Variants in PSG8 observed in about 807,000 individuals in gnomAD.
The protein encoded by PSG8 is pregnancy specific beta-1-glycoprotein 8.
PSG8 carries 57 observed loss-of-function variants against 42.5 expected under a neutral mutation model. The ratio of observed to expected loss-of-function variants is 1.34; its 90% CI spans 1.08 to 1.67. PSG8 has a LOEUF of 1.67. Ranked by LOEUF, PSG8 falls within the 40% of genes most tolerant of loss-of-function variation. The pLI, the probability that PSG8 is intolerant of heterozygous loss-of-function variation, is 0.00. For missense variants in PSG8, 783 were observed against 518.6 expected (o/e 1.51, Z -4.95); for synonymous variants, 280 against 196.8 (o/e 1.42, Z -3.54).
chr19:42,761,665 A>AT (rs916099855), intron 2 of PSG8, among the ~76,000 whole-genome samples: 1 of 151,902 alleles, frequency 6.6e-6, no homozygotes, highest in Non-Finnish European at 1.5e-5. Flanking sequence ...AGCAGTACTT[A>AT]TTTTTTAGTC....
At position 42,758,111 on chromosome 19, in the gene PSG8, C is replaced by A. The variant is rs1322551149; in HGVS notation, c.600G>T (p.Arg200Ser). 2 of 1,613,864 alleles carry A rather than the reference C, an allele frequency of 1.2e-6. No homozygotes were observed. Among genetic ancestry groups the A allele is most frequent in the African/African-American group, 2.7e-5 (2 of 74,882 alleles). The change falls in exon 3 of 5, where the codon AGG becomes AGT. Residue 200 changes from arginine to serine, a missense_variant. Arg to Ser is a moderately radical substitution (Grantham distance 110, BLOSUM62 -1). Coordinates refer to ENST00000306511, the MANE Select transcript of PSG8 (RefSeq NM_182707.3). ...SHRLQLSETN[R>S]TLFLLGVTKY... is the part of the protein sequence containing the mutation. ...TTGTGACACCCAATAGAAAGAGGGT[C>A]CTGTTGGTTTCAGACAACTGCAACC...
intron 3 of PSG8, among the ~76,000 whole-genome samples, chr19:42,756,497 A>G (rs1221920245): frequency 2.0e-5 from 3 of 152,294 alleles, no homozygotes; most frequent in South Asian, 2.1e-4. Flanking sequence ...TATTTGTCAT[A>G]TACTTACTGG....
chr19:42,763,951 C>G lies in PSG8; in HGVS notation c.395G>C (p.Arg132Thr), dbSNP rs369659318. ...GAAGGTGAAATGTCCAGTTACTCCT[C>G]TATTCTCATCACCTCCCATTATGAT... is the stretch of plus-strand genomic sequence containing the variant. ...LHIIMGGDEN[R>T]GVTGHFTFTL... is the part of the protein sequence containing the mutation. The change falls in exon 2 of 5, where the codon AGA becomes ACA. Residue 132 changes from arginine to threonine, a missense_variant. Coordinates refer to ENST00000306511, the MANE Select transcript of PSG8 (RefSeq NM_182707.3). 6 of 1,613,602 alleles carry G rather than the reference C, an allele frequency of 3.7e-6. No individual in the cohort carries two copies. Among genetic ancestry groups the G allele is most frequent in the African/African-American group, 1.3e-5 (1 of 74,812 alleles).
At chr19:42,753,091 T>C (rs896725669), downstream of PSG8, 2 of 616,208 alleles carry the variant, frequency 3.2e-6, no homozygotes, top group Non-Finnish European at 5.8e-6. Context: ...AGCCTCATCA[T>C]GATGGGGAGT....
intron 2 of PSG8, among the ~76,000 whole-genome samples, chr19:42,760,877 A>G (rs750080468): frequency 6.6e-5 from 10 of 152,164 alleles, no homozygotes; most frequent in African/African-American, 1.4e-4. Context: ...GTGCCCAGCC[A>G]TCTCTGAGGG....
Position 42,755,040 on chromosome 19 carries a change from T to C in PSG8, c.936A>G (p.Ile312Met). ...TGCGGATGCCACCATATTGGTCCCT[T>C]ATTTCACATTGATAGGGTCCTGTTT... ...RNETGPYQCE[I>M]RDQYGGIRSY... Residue 312 changes from isoleucine (I) to methionine (M), a missense_variant, in exon 4 of 5, where the codon ATA becomes ATG. Transcript: ENST00000306511. The C allele has an allele frequency of 6.2e-7, 1 of 1,613,202 alleles. No homozygotes were observed. Among genetic ancestry groups the C allele is most frequent in the Non-Finnish European group, 8.5e-7 (1 of 1,179,758 alleles).
At chr19:42,753,645 T>C (rs569172751), downstream of PSG8, among the ~76,000 whole-genome samples, 95 of 152,306 alleles carry the variant, frequency 6.2e-4, 1 homozygote, top group African/African-American at 2.3e-3. Flanking sequence ...TTATAAGGAA[T>C]CTGAGATTAA....
At chr19:42,754,182 G>T, downstream of PSG8, 1 of 1,522,408 alleles carries the variant, frequency 6.6e-7, no homozygotes, top group Non-Finnish European at 8.8e-7. Flanking sequence ...AAAGTTCTTA[G>T]ACAAATTTGG....
chr19:42,757,865 C>A, intron 3 of PSG8, 137 bp downstream of exon 3: 1 of 1,591,582 alleles, frequency 6.3e-7, no homozygotes, highest in Non-Finnish European at 8.6e-7. Flanking sequence ...TTGCCTGGGG[C>A]AGAAAGTCAT....
At chr19:42,754,151 AGC>A (rs1969848786), downstream of PSG8, 2 of 1,442,810 alleles carry the variant, frequency 1.4e-6, no homozygotes, top group Non-Finnish European at 1.9e-6. Flanking sequence ...TGAAGATATC[AGC>A]CTGTTTGTTA....
At chr19:42,762,304 A>C (rs140377429) in intron 2 of PSG8, among the ~76,000 whole-genome samples, 4,876 of 152,030 alleles carry the variant, frequency 0.032, 112 homozygotes, top group Non-Finnish European at 0.05. Flanking sequence ...CCCAGGGACC[A>C]GGTGCCCCCA....
In PSG8 at chr19:42,758,133, A is replaced by G. The variant is rs775825555; in HGVS notation, c.578T>C (p.Leu193Ser). ...NGQSLPMSHR[L>S]QLSETNRTLF... is the part of the protein sequence containing the mutation. ...GGTCCTGTTGGTTTCAGACAACTGC[A>G]ACCTGTGAGACATAGGGAGGCTCTG... Residue 193 changes from leucine (L) to serine (S), a missense_variant, in exon 3 of 5, where the codon TTG becomes TCG. Coordinates refer to ENST00000306511, the MANE Select transcript of PSG8 (RefSeq NM_182707.3). 6.2e-7 allele frequency: 1 copy of G among 1,614,008 alleles called. No individual in the cohort carries two copies. Among genetic ancestry groups the G allele is most frequent in the Admixed American group, 1.7e-5 (1 of 60,008 alleles).
chr19:42,762,734 C>T (rs1212980546), intron 2 of PSG8, among the ~76,000 whole-genome samples: 1 of 152,046 alleles, frequency 6.6e-6, no homozygotes, highest in Non-Finnish European at 1.5e-5. Flanking sequence ...ATGTTTTTTC[C>T]ACTGACTCTG....
rs74660622 is a variant in PSG8, at chr19:42,764,196, A to G, written c.150T>C (p.Asp50=). Residue 50 remains aspartate (D), a synonymous_variant, in exon 2 of 5, where the codon GAT becomes GAC. Coordinates refer to ENST00000306511, the MANE Select transcript of PSG8 (RefSeq NM_182707.3). ...AQPTKVSEGK[D]VLLLVHNLPQ... The stretch of plus-strand genomic sequence containing the variant: ...GCAAATTGTGGACAAGTAGAAGAAC[A>G]TCCTTCCCCTCAGAAACTTTGGTTG... 2.3e-3 allele frequency: 3,660 copies of G among 1,613,858 alleles called. 93 individuals carry two copies. In the African/African-American group the frequency reaches 0.042, roughly 19 times the overall value.
At chr19:42,761,005 A>G (rs1323310571) in intron 2 of PSG8, among the ~76,000 whole-genome samples, 1 of 152,128 alleles carries the variant, frequency 6.6e-6, no homozygotes, top group Non-Finnish European at 1.5e-5. Context: ...CTAGGAAGTG[A>G]CCAGAGAATG....
Position 42,764,204 on chromosome 19 carries a change from C to T in PSG8, c.142G>A (p.Gly48Arg). Residue 48 changes from glycine (G) to arginine (R), a missense_variant, in exon 2 of 5, where the codon GGG becomes AGG. Gly to Arg is a moderately radical substitution (Grantham distance 125). Transcript: ENST00000306511. ...IEAQPTKVSE[G>R]KDVLLLVHNL... ...TGGACAAGTAGAAGAACATCCTTCC[C>T]CTCAGAAACTTTGGTTGGCTGGGCT... The T allele has an allele frequency of 6.2e-7, 1 of 1,613,784 alleles. No individual in the cohort carries two copies. Among genetic ancestry groups the T allele is most frequent in the Non-Finnish European group, 8.5e-7 (1 of 1,179,842 alleles).
intron 1 of PSG8, among the ~76,000 whole-genome samples, chr19:42,764,742 G>A (rs1970172784): frequency 6.6e-6 from 1 of 152,012 alleles, no homozygotes; most frequent in South Asian, 2.1e-4. Context: ...CTCTTTGCAT[G>A]TCTGTCTTCC....
chr19:42,760,949 G>GGA, intron 2 of PSG8, among the ~76,000 whole-genome samples: 1 of 152,254 alleles, frequency 6.6e-6, no homozygotes, highest in South Asian at 2.1e-4. Flanking sequence ...AGAACCGAAT[G>GGA]ACAAATTTCA....
chr19:42,761,138 G>T (rs1480280210), intron 2 of PSG8, among the ~76,000 whole-genome samples: 3 of 152,132 alleles, frequency 2.0e-5, no homozygotes, highest in Non-Finnish European at 4.4e-5. Context: ...AACAGTGACA[G>T]GAAACTAGCA....
Sources: allele counts gnomAD v4.1 joint callset (sites outside exome capture counted in the v4.1 genomes callset), GRCh38; gene constraint gnomAD v4.1.1; transcripts MANE v1.5; gene names NCBI Gene and HGNC (gene_info 2026-07-23, HGNC 2026-07-21).